SLC2A9: variants seen among roughly 807,000 people sequenced by gnomAD.
SLC2A9 encodes the protein solute carrier family 2 member 9.
Under a neutral mutation model 50.6 loss-of-function variants are expected in SLC2A9, and 39 were observed. That is an observed-to-expected ratio of 0.77 (90% CI 0.60 to 1.01). SLC2A9 has a LOEUF of 1.01. Among genes scored for constraint, SLC2A9 ranks in the 50% least tolerant of loss-of-function variants. The pLI, the probability that SLC2A9 is intolerant of heterozygous loss-of-function variation, is 0.00. For missense variants in SLC2A9, 686 were observed against 677.6 expected (o/e 1.01, Z -0.14); for synonymous variants, 324 against 276.9 (o/e 1.17, Z -1.69).
At chr4:9,981,046 T>TG (rs1755669023) in intron 4 of SLC2A9, among the ~76,000 whole-genome samples, 1 of 151,882 alleles carries the variant, frequency 6.6e-6, no homozygotes, top group Non-Finnish European at 1.5e-5. Flanking sequence ...GTGATGGTGG[T>TG]GGTGATAGTG....
chr4:9,887,631 G>A lies in SLC2A9; in HGVS notation c.1227C>T (p.Pro409=), dbSNP rs997313747. The change falls in exon 10 of 12, where the codon CCC becomes CCT. Residue 409 remains proline, a synonymous_variant. Transcript: ENST00000264784. ...TITLTLQDHA[P]WVPYLSIVGI... ...CCACGATACTCAGGTAGGGGACCCA[G>A]GGGGCGTGGTCCTGGGAGAGAACAG... The A allele has an allele frequency of 1.9e-6, 3 of 1,549,500 alleles. No individual in the cohort carries two copies. The highest frequency in any genetic ancestry group is 1.4e-5 in the African/African-American group (1 of 73,272).
At chr4:9,981,383 G>A (rs1435355331) in intron 4 of SLC2A9, among the ~76,000 whole-genome samples, 1 of 151,854 alleles carries the variant, frequency 6.6e-6, no homozygotes, top group Non-Finnish European at 1.5e-5. Context: ...AATGATAATA[G>A]CCAATACACA....
intron 3 of SLC2A9, among the ~76,000 whole-genome samples, chr4:9,799,502 C>T (rs1305922395): frequency 1.3e-5 from 2 of 151,950 alleles, no homozygotes; most frequent in Non-Finnish European, 2.9e-5. Context: ...TGCCCAAATG[C>T]CTTAATCAGC....
chr4:9,958,556 G>A (rs1187690229), intron 5 of SLC2A9, among the ~76,000 whole-genome samples: 1 of 151,988 alleles, frequency 6.6e-6, no homozygotes, highest in African/African-American at 2.4e-5. Context: ...CGGGTTGATA[G>A]GTGCAACAAA....
At chr4:9,951,115 A>G (rs941693037) in intron 5 of SLC2A9, among the ~76,000 whole-genome samples, 7 of 152,254 alleles carry the variant, frequency 4.6e-5, no homozygotes, top group Admixed American at 2.0e-4. Context: ...GGATGAATAA[A>G]GAAACTTTGG....
chr4:9,938,804 C>T lies in SLC2A9; in HGVS notation c.814+3109G>A, dbSNP rs185415458. On this transcript the variant is annotated intron_variant, in intron 6 of 11. Transcript: ENST00000264784. ...TTTGGAGATCACAGAAGCAAAGCACCATGTGTATTGCAGGCACTGGAGGCT... is the reference window on the plus strand; with the variant it reads ...TTTGGAGATCACAGAAGCAAAGCACTATGTGTATTGCAGGCACTGGAGGCT... Among the ~76,000 whole-genome samples, 328 of 152,192 alleles carry T rather than the reference C, an allele frequency of 2.2e-3. 1 individual carries two copies. Among genetic ancestry groups the T allele is most frequent in the Non-Finnish European group, 3.5e-3 (235 of 68,024 alleles).
At chr4:10,014,648 C>A (rs1418905522) in intron 2 of SLC2A9, among the ~76,000 whole-genome samples, 1 of 152,190 alleles carries the variant, frequency 6.6e-6, no homozygotes, top group Non-Finnish European at 1.5e-5. Flanking sequence ...CCACTGACCT[C>A]CCCAGGTAGA....
chr4:9,966,894 G>A (rs1753136604), intron 5 of SLC2A9, among the ~76,000 whole-genome samples: 1 of 152,102 alleles, frequency 6.6e-6, no homozygotes, highest in Admixed American at 6.5e-5. Context: ...ACATAGAAAT[G>A]AATTTTCTGC....
At chr4:9,789,108 C>G (rs1198175549) in intron 3 of SLC2A9, among the ~76,000 whole-genome samples, 6 of 152,146 alleles carry the variant, frequency 3.9e-5, no homozygotes, top group Admixed American at 3.9e-4. Flanking sequence ...TATATCAAAT[C>G]CCATGCATTC....
At chr4:9,789,501 G>C (rs1215666404) in intron 3 of SLC2A9, among the ~76,000 whole-genome samples, 1 of 152,236 alleles carries the variant, frequency 6.6e-6, no homozygotes, top group Non-Finnish European at 1.5e-5. Flanking sequence ...TAGATGGATA[G>C]AGTGGCTAAA....
At chr4:10,009,733 T>C (rs2109417262) in intron 2 of SLC2A9, 1 of 152,350 alleles carries the variant, frequency 6.6e-6, no homozygotes, top group Non-Finnish European at 1.5e-5. Context: ...AAGTCCTAAT[T>C]TATATTGGAT....
At chr4:10,033,955 C>T (rs1465632038) in intron 1 of SLC2A9, among the ~76,000 whole-genome samples, 1 of 152,178 alleles carries the variant, frequency 6.6e-6, no homozygotes, top group Non-Finnish European at 1.5e-5. Flanking sequence ...GGGCTTCCCC[C>T]GCCAGCCCCT....
exon 4 of SLC2A9, chr4:9,779,834 C>A (rs1718097710): frequency 6.6e-6 from 1 of 151,806 alleles, no homozygotes. Flanking sequence ...TAAATATTTG[C>A]TGAATAAAAG....
chr4:9,948,402 T>C (rs1708070203), intron 5 of SLC2A9, among the ~76,000 whole-genome samples: 1 of 152,222 alleles, frequency 6.6e-6, no homozygotes, highest in Non-Finnish European at 1.5e-5. Flanking sequence ...AATGTAGAGC[T>C]ATTTGACGGC....
At chr4:10,025,313 C>T (rs77684901), upstream of SLC2A9, among the ~76,000 whole-genome samples, 2,798 of 152,232 alleles carry the variant, frequency 0.018, 42 homozygotes, top group Non-Finnish European at 0.028. Flanking sequence ...CTCAGTTCAT[C>T]GCCTGTAAAA....
chr4:9,861,223 C>T (rs755562560), intron 10 of SLC2A9, among the ~76,000 whole-genome samples: 33 of 152,044 alleles, frequency 2.2e-4, no homozygotes, highest in Non-Finnish European at 3.7e-4. Context: ...CTTCCAATCA[C>T]GGTGGAAGGC....
chr4:9,901,391 C>T (rs767454245), intron 8 of SLC2A9, among the ~76,000 whole-genome samples: 10 of 152,232 alleles, frequency 6.6e-5, no homozygotes, highest in Non-Finnish European at 1.2e-4. Context: ...CCTTTCGAGG[C>T]CAGTTCTAGA....
At chr4:9,858,181 T>G (rs1731027431) in intron 10 of SLC2A9, among the ~76,000 whole-genome samples, 1 of 151,960 alleles carries the variant, frequency 6.6e-6, no homozygotes, top group Admixed American at 6.6e-5. Flanking sequence ...AAGCACTGAG[T>G]AGAAAGAGGG....
At chr4:9,998,208 G>A (rs970705576) in intron 2 of SLC2A9, among the ~76,000 whole-genome samples, 5 of 152,162 alleles carry the variant, frequency 3.3e-5, no homozygotes, top group African/African-American at 1.2e-4. Flanking sequence ...ACAGAGTTCA[G>A]TCCCCAAGGT....
Sources: gnomAD v4.1 joint callset for allele counts (sites outside exome capture counted in the v4.1 genomes callset) on GRCh38, gnomAD v4.1.1 for gene constraint, MANE v1.5 for transcripts, NCBI Gene and HGNC (gene_info 2026-07-23, HGNC 2026-07-21) for gene names.